PALMD: variants seen among roughly 807,000 people sequenced by gnomAD.
PALMD encodes palmdelphin, also known as paralemmin-like protein.
PALMD carries 42 observed loss-of-function variants against 56.2 expected under a neutral mutation model. That is an observed-to-expected ratio of 0.75 (90% CI 0.58 to 0.97). The LOEUF is 0.97. Ranked by LOEUF, PALMD falls within the 50% of genes least tolerant of loss-of-function variation. PALMD has a pLI of 0.00. For synonymous variants in PALMD, 242 were observed against 222.9 expected, an observed-to-expected ratio of 1.09 and a Z score of -0.76; for missense variants, 660 against 643.8, an observed-to-expected ratio of 1.03 and a Z score of -0.27.
chr1:99,666,201 A>G (rs1243934634), intron 2 of PALMD, among the ~76,000 whole-genome samples: 1 of 152,060 alleles, frequency 6.6e-6, no homozygotes, highest in Non-Finnish European at 1.5e-5. Flanking sequence ...ATAGTTCCAT[A>G]TAACATTTGT....
chr1:99,683,046 AAGAAAGAAAGAGAGAGAGAGAGAG>A (rs1653390079), intron 3 of PALMD, among the ~76,000 whole-genome samples: 4 of 19,136 alleles, frequency 2.1e-4, no homozygotes, highest in African/African-American at 6.9e-4. Context: ...GAAAGAAAGA[AAGAAAGAAAGAGAGAGAGAGAGAG>A]AGAGAGAGAG....
At chr1:99,656,448 C>T (rs193218244) in intron 1 of PALMD, among the ~76,000 whole-genome samples, 109 of 152,122 alleles carry the variant, frequency 7.2e-4, no homozygotes, top group Non-Finnish European at 1.3e-3. Flanking sequence ...AAGCAGTTTC[C>T]GCTAGTGTTC....
At chr1:99,693,506 T>C (rs1653708396) in intron 7 of PALMD, among the ~76,000 whole-genome samples, 1 of 152,222 alleles carries the variant, frequency 6.6e-6, no homozygotes, top group South Asian at 2.1e-4. Context: ...TCACTCCAGC[T>C]TTTAATAACT....
intron 2 of PALMD, among the ~76,000 whole-genome samples, chr1:99,664,736 T>C (rs1426302478): frequency 6.6e-6 from 1 of 152,270 alleles, no homozygotes; most frequent in African/African-American, 2.4e-5. Flanking sequence ...TGTTGGCCTC[T>C]ATAGCCTGTC....
intron 3 of PALMD, among the ~76,000 whole-genome samples, chr1:99,683,088 GAGAAAGAAAGAAAGAAAGAAAGAA>G (rs1217087610): frequency 6.1e-3 from 167 of 27,192 alleles, no homozygotes; most frequent in Non-Finnish European, 7.5e-3. Flanking sequence ...GAGAGAGAGA[GAGAAAGAAAGAAAGAAAGAAAGAA>G]AGAAAGAAAG....
rs572237201 is a variant in PALMD at position 99,651,200 on chromosome 1, G to C, written c.45+4838G>C. Among the ~76,000 whole-genome samples, 8 of 152,294 alleles carry C rather than the reference G, an allele frequency of 5.3e-5. No homozygotes were observed. In the East Asian group the frequency reaches 1.5e-3, roughly 29 times the overall value. ...CAAGATTACATGTTTCTTCCAGAGAGGGAAAGGTTTCTTCAAACAAATGTG... is the reference window on the plus strand; with the variant it reads ...CAAGATTACATGTTTCTTCCAGAGACGGAAAGGTTTCTTCAAACAAATGTG... On this transcript the variant is annotated intron_variant, in intron 1 of 7. Coordinates refer to ENST00000263174, the MANE Select transcript of PALMD (RefSeq NM_017734.5).
intron 3 of PALMD, among the ~76,000 whole-genome samples, chr1:99,676,418 G>T (rs554052771): frequency 1.3e-5 from 2 of 152,050 alleles, no homozygotes; most frequent in East Asian, 3.9e-4. Flanking sequence ...AGATGTAGGG[G>T]GTACAAGTGC....
intron 3 of PALMD, among the ~76,000 whole-genome samples, chr1:99,681,106 TG>T (rs1653332833): frequency 1.5e-4 from 1 of 6,492 alleles, no homozygotes; most frequent in African/African-American, 1.5e-3. Context: ...TGTGTATATA[TG>T]TGTGTGTGTG....
rs200081370 is a variant in PALMD at position 99,650,285 on chromosome 1, G to GAAAA, written c.45+3954_45+3957dup. On this transcript the variant is annotated intron_variant, in intron 1 of 7. Coordinates refer to ENST00000263174, the MANE Select transcript of PALMD (RefSeq NM_017734.5). ...TTTGCCGGCCAAAGCTGCTCATAATGAAAAAAAAAAAAAAAAAAAAAAAAA... is the reference window on the plus strand; with the variant it reads ...TTTGCCGGCCAAAGCTGCTCATAATGAAAAAAAAAAAAAAAAAAAAAAAAAAAAA... Among the ~76,000 whole-genome samples the GAAAA allele has an allele frequency of 2.9e-4, 34 of 116,990 alleles. 2 individuals carry two copies. The highest frequency in any genetic ancestry group is 4.0e-4 in the African/African-American group (11 of 27,310). 76.7% of individuals were successfully genotyped at this position (116,990 alleles called of 152,430 possible).
At chr1:99,659,237 T>C (rs1652793685) in intron 1 of PALMD, among the ~76,000 whole-genome samples, 1 of 152,246 alleles carries the variant, frequency 6.6e-6, no homozygotes. Flanking sequence ...TATTAATAGA[T>C]GGTCACAATA....
At chr1:99,669,489 C>G (rs1233425121) in intron 3 of PALMD, 1 of 152,170 alleles carries the variant, frequency 6.6e-6, no homozygotes, top group Non-Finnish European at 1.5e-5. Context: ...ACACAGAACC[C>G]TTATCTCTGA....
At chr1:99,673,716 C>CA (rs200744786) in intron 3 of PALMD, among the ~76,000 whole-genome samples, 1,595 of 151,770 alleles carry the variant, frequency 0.011, 30 homozygotes, top group African/African-American at 0.037. Flanking sequence ...TCACTTTTAA[C>CA]AAAAAAAAGC....
At chr1:99,686,600 A>G in intron 3 of PALMD, 76 bp from the exon 4 acceptor site, 1 of 699,704 alleles carries the variant, frequency 1.4e-6, no homozygotes, top group Non-Finnish European at 2.4e-6. Context: ...GAAACTTTAT[A>G]TATGGGGAAG....
At chr1:99,679,472 C>G (rs17120889) in intron 3 of PALMD, among the ~76,000 whole-genome samples, 10,574 of 152,176 alleles carry the variant, frequency 0.069, 547 homozygotes, top group East Asian at 0.16. Context: ...AAAGATAAAG[C>G]CCGGACTTCA....
intron 3 of PALMD, chr1:99,685,036 G>A (rs1653455294): frequency 6.6e-6 from 1 of 152,156 alleles, no homozygotes; most frequent in South Asian, 2.1e-4. Flanking sequence ...CTGTGGGACA[G>A]GGGATGAAAA....
At position 99,688,938 on chromosome 1, in the gene PALMD, A is replaced by G; in HGVS notation, c.678A>G (p.Ala226=). The change falls in exon 7 of 8, where the codon GCA becomes GCG. Residue 226 remains alanine (A), a synonymous_variant. Coordinates refer to ENST00000263174, the MANE Select transcript of PALMD (RefSeq NM_017734.5). ...SVYAVSSNHS[A]AYNGTDGLAP... Reference sequence around the variant, plus strand: ...ATGCAGTAAGTTCTAATCACAGTGCAGCATACAATGGCACCGATGGCCTGG... The same window carrying G: ...ATGCAGTAAGTTCTAATCACAGTGCGGCATACAATGGCACCGATGGCCTGG... 1 of 1,613,680 alleles carries G rather than the reference A, an allele frequency of 6.2e-7. No homozygotes were observed.
intron 3 of PALMD, among the ~76,000 whole-genome samples, chr1:99,681,135 GTA>G (rs758724579): frequency 5.0e-4 from 60 of 119,926 alleles, no homozygotes; most frequent in Admixed American, 2.4e-3. Context: ...GTGTGTGTGT[GTA>G]TGTATATATA....
intron 3 of PALMD, chr1:99,668,563 AC>A: frequency 6.6e-6 from 1 of 151,888 alleles, no homozygotes. Context: ...TCTCTCAGGC[AC>A]CCTCCCCAGT....
At chr1:99,659,347 T>A (rs1652795547) in intron 1 of PALMD, among the ~76,000 whole-genome samples, 1 of 152,182 alleles carries the variant, frequency 6.6e-6, no homozygotes, top group South Asian at 2.1e-4. Flanking sequence ...AAATAGGCTG[T>A]CAGATGGCTA....
Sources: gnomAD v4.1 joint callset for allele counts (sites outside exome capture counted in the v4.1 genomes callset) on GRCh38, gnomAD v4.1.1 for gene constraint, MANE v1.5 for transcripts, NCBI Gene and HGNC (gene_info 2026-07-23, HGNC 2026-07-21) for gene names.